Variants in TENT4A observed in about 807,000 individuals in gnomAD.
TENT4A encodes the protein terminal nucleotidyltransferase 4A, also known as DNA polymerase kappa.
A neutral mutation model predicts 72.8 loss-of-function variants in TENT4A; 7 were observed. The observed-to-expected ratio is 0.10, with a 90% CI of 0.05 to 0.18. TENT4A has a LOEUF of 0.18. Among genes scored for constraint, TENT4A ranks in the 10% least tolerant of loss-of-function variants. The probability of loss-of-function intolerance (pLI) is 1.00; values close to 1 mark genes in which losing one functional copy is unlikely to be tolerated. For synonymous variants in TENT4A, 456 were observed against 434.3 expected (o/e 1.05, Z -0.62); for missense variants, 831 against 1,017.7 (o/e 0.82, Z 2.50).
In TENT4A at chr5:6,750,525, G is replaced by A. The variant is rs181348081; in HGVS notation, c.1860+22G>A. On this transcript the variant is annotated intron_variant, in intron 10 of 12. Coordinates refer to ENST00000230859, the MANE Select transcript of TENT4A (RefSeq NM_006999.6). ...CGTTGTAAGTGCCCTCCCCTCCTCC[G>A]TGTGTCTGTTGGACAGTTTGTGTCT... The A allele has an allele frequency of 3.4e-5, 53 of 1,556,704 alleles. 1 individual carries two copies. Among genetic ancestry groups the A allele is most frequent in the African/African-American group, 2.6e-4 (19 of 72,036 alleles).
chr5:6,735,784 A>G (rs274691), intron 1 of TENT4A, among the ~76,000 whole-genome samples: 87,053 of 147,290 alleles, frequency 0.59, 26,506 homozygotes, highest in Middle Eastern at 0.67. Flanking sequence ...TTGGTGAGAC[A>G]GAGTCTTGCT....
At chr5:6,718,061 C>G (rs1175793738) in intron 1 of TENT4A, among the ~76,000 whole-genome samples, 1 of 152,210 alleles carries the variant, frequency 6.6e-6, no homozygotes, top group Admixed American at 6.5e-5. Flanking sequence ...TCAGGTGTGC[C>G]TGCAGTGTGC....
intron 1 of TENT4A, among the ~76,000 whole-genome samples, chr5:6,736,571 A>C (rs747871515): frequency 1.2e-4 from 19 of 152,224 alleles, no homozygotes; most frequent in Non-Finnish European, 2.9e-5. Context: ...TCCATCTTTA[A>C]TTAATCCCTT....
chr5:6,743,025 T>A (rs552911087), intron 5 of TENT4A, among the ~76,000 whole-genome samples: 99 of 152,264 alleles, frequency 6.5e-4, no homozygotes, highest in Middle Eastern at 3.4e-3. Flanking sequence ...ACTCTGACCA[T>A]GTGCCTGGTC....
Position 6,714,013 on chromosome 5 carries a change from C to G in TENT4A, c.30C>G (p.Pro10=), listed in dbSNP as rs1232256578. MDPRVAWIQ[P]EQKGPANALW... is the part of the protein sequence containing the mutation. ...ATCCGCGCGTGGCCTGGATCCAGCC[C>G]GAGCAGAAGGGGCCGGCCAATGCCC... is the stretch of plus-strand genomic sequence containing the variant. The change falls in exon 1 of 13, where the codon CCC becomes CCG. Residue 10 remains proline, a synonymous_variant. Transcript: ENST00000230859. 32 of 983,546 alleles carry G rather than the reference C, an allele frequency of 3.3e-5. No individual in the cohort carries two copies. The highest frequency in any genetic ancestry group is 3.9e-5 in the Non-Finnish European group (32 of 829,960). 60.9% of individuals were successfully genotyped at this position (983,546 alleles called of 1,614,324 possible).
At chr5:6,729,847 A>ACCTGTGGTGTGGGGTGGTT (rs1741117689) in intron 1 of TENT4A, among the ~76,000 whole-genome samples, 1 of 151,992 alleles carries the variant, frequency 6.6e-6, no homozygotes, top group Non-Finnish European at 1.5e-5. Flanking sequence ...TCCGGGTGGT[A>ACCTGTGGTGTGGGGTGGTT]CCTGTGGTGT....
At chr5:6,728,314 T>C (rs1258047042) in intron 1 of TENT4A, among the ~76,000 whole-genome samples, 1 of 152,176 alleles carries the variant, frequency 6.6e-6, no homozygotes, top group Non-Finnish European at 1.5e-5. Flanking sequence ...TAACAGTTTT[T>C]TTTACTAAGG....
intron 8 of TENT4A, 86 bp from the exon 9 acceptor site, chr5:6,749,471 G>A (rs1742277221): frequency 1.3e-6 from 1 of 767,488 alleles, no homozygotes; most frequent in South Asian, 1.5e-5. Context: ...TGATCTGTTA[G>A]GGGTATAAGG....
intron 1 of TENT4A, among the ~76,000 whole-genome samples, chr5:6,729,248 A>G (rs1741087353): frequency 6.6e-6 from 1 of 152,230 alleles, no homozygotes; most frequent in African/African-American, 2.4e-5. Context: ...TAGTTTTGTC[A>G]TCTACAAAAT....
intron 1 of TENT4A, among the ~76,000 whole-genome samples, chr5:6,731,533 G>C (rs1052490316): frequency 2.0e-5 from 3 of 150,770 alleles, no homozygotes; most frequent in African/African-American, 7.3e-5. Context: ...TGGGTTTAAG[G>C]TGCTGAAACT....
At chr5:6,746,574 C>A in intron 7 of TENT4A, 147 bp downstream of exon 7, 1 of 644,472 alleles carries the variant, frequency 1.6e-6, no homozygotes, top group Non-Finnish European at 2.7e-6. Context: ...TTAATAATCA[C>A]ACTTTGAGAA....
At position 6,732,582 on chromosome 5, in the gene TENT4A, G is replaced by T. The variant is rs111732490; in HGVS notation, c.717-4928G>T. ...GAAGTCAGTCATTACCTTTCGATGG[G>T]TTTGGACTCTTGCAAGGCAGTGATT... On this transcript the variant is annotated intron_variant, in intron 1 of 12. Transcript: ENST00000230859. Among the ~76,000 whole-genome samples the T allele has an allele frequency of 4.5e-4, 68 of 152,306 alleles. 2 individuals are homozygous for T. The highest frequency in any genetic ancestry group is 1.6e-3 in the African/African-American group (66 of 41,566).
rs1423542782 is a variant in TENT4A at position 6,751,217 on chromosome 5, C to T, written c.2019+20C>T. ...AATCAGGTACGTGGCCCTCTGGCAC[C>T]CTTCCCGCTGGTGGCCCCTGGGAAC... On this transcript the variant is annotated intron_variant, in intron 11 of 12. Transcript: ENST00000230859. The T allele has an allele frequency of 1.2e-6, 2 of 1,613,734 alleles. No homozygotes were observed. The highest frequency in any genetic ancestry group is 1.7e-5 in the Admixed American group (1 of 60,002).
At chr5:6,718,660 C>G (rs1230584230) in intron 1 of TENT4A, among the ~76,000 whole-genome samples, 1 of 152,240 alleles carries the variant, frequency 6.6e-6, no homozygotes, top group African/African-American at 2.4e-5. Context: ...TTAATTTCAT[C>G]AATTAACTCT....
intron 1 of TENT4A, among the ~76,000 whole-genome samples, chr5:6,727,305 C>T (rs1306009788): frequency 1.3e-5 from 2 of 152,214 alleles, no homozygotes; most frequent in Admixed American, 1.3e-4. Flanking sequence ...CTGGGACCTT[C>T]TCCCCTTCCA....
chr5:6,718,276 T>A (rs1561024446), intron 1 of TENT4A, among the ~76,000 whole-genome samples: 1 of 152,248 alleles, frequency 6.6e-6, no homozygotes, highest in Non-Finnish European at 1.5e-5. Flanking sequence ...TTCTCAATTC[T>A]TTCTTGCGAA....
At position 6,750,369 on chromosome 5, in the gene TENT4A, A is replaced by C. The variant is rs1561046023; in HGVS notation, c.1726A>C (p.Asn576His). 6.2e-7 allele frequency: 1 copy of C among 1,612,772 alleles called. No individual in the cohort carries two copies. Among genetic ancestry groups the C allele is most frequent in the East Asian group, 2.2e-5 (1 of 44,682 alleles). The change falls in exon 10 of 13, where the codon AAT becomes CAT. Residue 576 changes from asparagine to histidine, a missense_variant. Asn to His is a moderately conservative substitution (Grantham distance 68). Transcript: ENST00000230859. ...GATCAAAGAGCGAATAGCCACATGCAATGGGGAGCAGACGCAGAACCGAGA... is the reference window on the plus strand; with the variant it reads ...GATCAAAGAGCGAATAGCCACATGCCATGGGGAGCAGACGCAGAACCGAGA... ...IKIKERIATC[N>H]GEQTQNREPE...
chr5:6,755,180 A>T lies in TENT4A; in HGVS notation c.*235A>T, dbSNP rs1027996853. 2.5e-6 allele frequency: 1 copy of T among 404,506 alleles called. No homozygotes were observed. The highest frequency in any genetic ancestry group is 4.4e-6 in the Non-Finnish European group (1 of 226,744). 25.1% of individuals were successfully genotyped at this position (404,506 alleles called of 1,614,324 possible). ...GGACGTTGTTTTCTGCCTTCCCAGG[A>T]TTCTTCCTTCAGTGCTGAGGCAGGT... On this transcript the variant is annotated 3_prime_UTR_variant, in exon 13 of 13. Transcript: ENST00000230859.
rs1344278844 is a variant in TENT4A at position 6,735,975 on chromosome 5, A to T, written c.717-1535A>T. ...ATGGGGTTTCACCATTTTAGTCAGGATGGTCTTGATCTCCTGAACTTGTGA... is the reference window on the plus strand; with the variant it reads ...ATGGGGTTTCACCATTTTAGTCAGGTTGGTCTTGATCTCCTGAACTTGTGA... On this transcript the variant is annotated intron_variant, in intron 1 of 12. Transcript: ENST00000230859. Among the ~76,000 whole-genome samples, 3 of 152,056 alleles carry T rather than the reference A, an allele frequency of 2.0e-5. No homozygotes were observed. In the East Asian group the frequency reaches 5.8e-4, roughly 29 times the overall value.
Sources: gnomAD v4.1 joint callset for allele counts (sites outside exome capture counted in the v4.1 genomes callset) on GRCh38, gnomAD v4.1.1 for gene constraint, MANE v1.5 for transcripts, NCBI Gene and HGNC (gene_info 2026-07-23, HGNC 2026-07-21) for gene names.